Variants in HMCN1 observed in about 807,000 individuals in gnomAD.
HMCN1 encodes hemicentin-1.
Under a neutral mutation model 625.9 loss-of-function variants are expected in HMCN1, and 321 were observed. That is an observed-to-expected ratio of 0.51 (90% confidence interval 0.47 to 0.56). The LOEUF (loss-of-function observed/expected upper bound fraction) is 0.56, where lower values mean the gene tolerates loss of function less well. Among genes scored for constraint, HMCN1 ranks in the 20% least tolerant of loss-of-function variants. The pLI is 0.00. For synonymous variants in HMCN1, 2,425 were observed against 2,417.6 expected, an observed-to-expected ratio of 1.00 and a Z score of -0.09; for missense variants, 6,588 against 6,887.3, an observed-to-expected ratio of 0.96 and a Z score of 1.54.
chr1:185,945,704 G>C (rs1015843741), intron 11 of HMCN1, among the ~76,000 whole-genome samples: 3 of 152,158 alleles, frequency 2.0e-5, no homozygotes, highest in Admixed American at 2.0e-4. Context: ...CTAGGAAGAA[G>C]TCAGGACAGT....
intron 45 of HMCN1, among the ~76,000 whole-genome samples, chr1:186,055,946 T>A (rs1657293084): frequency 6.6e-6 from 1 of 152,016 alleles, no homozygotes; most frequent in African/African-American, 2.4e-5. Context: ...TTTGGTCCAA[T>A]GCTATCCCAA....
intron 82 of HMCN1, among the ~76,000 whole-genome samples, chr1:186,126,091 T>G (rs745368672): frequency 6.6e-6 from 1 of 152,118 alleles, no homozygotes; most frequent in African/African-American, 2.4e-5. Flanking sequence ...TAACCTTATT[T>G]GGCAATGATA....
At chr1:186,083,457 C>T (rs991132510) in intron 57 of HMCN1, among the ~76,000 whole-genome samples, 2 of 134,468 alleles carry the variant, frequency 1.5e-5, no homozygotes, top group Non-Finnish European at 3.0e-5. Flanking sequence ...TCATCAAACT[C>T]TTTTAAATAC....
At chr1:185,781,828 A>G (rs1384414913) in intron 1 of HMCN1, among the ~76,000 whole-genome samples, 4 of 152,188 alleles carry the variant, frequency 2.6e-5, no homozygotes, top group Non-Finnish European at 5.9e-5. Context: ...TGTTCTGTTG[A>G]TTTGGGGTGG....
intron 9 of HMCN1, 67 bp from the exon 10 acceptor site, chr1:185,928,475 ATAGT>A (rs1478587843): frequency 1.0e-5 from 13 of 1,266,838 alleles, no homozygotes; most frequent in Admixed American, 1.7e-5. Flanking sequence ...TTCAAAAGAA[ATAGT>A]TAATCATTGC....
intron 17 of HMCN1, among the ~76,000 whole-genome samples, chr1:185,981,368 TC>T (rs1651624273): frequency 6.6e-6 from 1 of 152,074 alleles, no homozygotes; most frequent in Admixed American, 6.6e-5. Flanking sequence ...TGTGGTCTTT[TC>T]TGATTCCTTT....
rs1002113839 is a variant in HMCN1 at position 185,963,722 on chromosome 1, AT to A, written c.1971-44del. 3 of 1,353,996 alleles carry A rather than the reference AT, an allele frequency of 2.2e-6. No homozygotes were observed. In the African/African-American group the frequency reaches 4.3e-5, roughly 19 times the overall value. 83.9% of individuals were successfully genotyped at this position (1,353,996 alleles called of 1,614,324 possible). ...AGCACTATATTATCTTGATATTACTATTGTGGCATTTTCAATTTTATATTCT... is the reference window on the plus strand; with the variant it reads ...AGCACTATATTATCTTGATATTACTATGTGGCATTTTCAATTTTATATTCT... On this transcript the variant is annotated intron_variant, in intron 12 of 106. Transcript: ENST00000271588.
chr1:185,884,776 G>A (rs369596916), intron 4 of HMCN1, among the ~76,000 whole-genome samples: 13 of 152,078 alleles, frequency 8.5e-5, no homozygotes, highest in Admixed American at 2.6e-4. Context: ...GACTGAAGGC[G>A]AAAAGTGCAA....
chr1:185,896,718 C>T (rs992228806), intron 4 of HMCN1, among the ~76,000 whole-genome samples: 1 of 152,144 alleles, frequency 6.6e-6, no homozygotes, highest in South Asian at 2.1e-4. Context: ...TTCTCCTAAT[C>T]GTTCTAATAT....
chr1:185,925,304 G>A lies in HMCN1; in HGVS notation c.1430+113G>A, dbSNP rs1336825232. On this transcript the variant is annotated intron_variant, in intron 9 of 106. Transcript: ENST00000271588. ...AAATTCTCACTTGCTACATAGTCTG[G>A]AATATAGCAGTGAACAAAATGGACA... 3 of 1,021,602 alleles carry A rather than the reference G, an allele frequency of 2.9e-6. No homozygotes were observed. In the African/African-American group the frequency reaches 4.8e-5, roughly 16 times the overall value. 63.3% of individuals were successfully genotyped at this position (1,021,602 alleles called of 1,614,324 possible).
chr1:186,189,983 G>C lies in HMCN1; in HGVS notation c.*105G>C. 7.7e-7 allele frequency: 1 copy of C among 1,302,568 alleles called. No individual in the cohort carries two copies. The highest frequency in any genetic ancestry group is 2.3e-5 in the East Asian group (1 of 43,340). 80.7% of individuals were successfully genotyped at this position (1,302,568 alleles called of 1,614,324 possible). The stretch of plus-strand genomic sequence containing the variant: ...TGAACAGTTGCAATCTTGGCAGCTT[G>C]AAAATGGTGCTACACTCTGTTTTGT... On this transcript the variant is annotated 3_prime_UTR_variant, in exon 107 of 107. Transcript: ENST00000271588.
rs1414148791 is a variant in HMCN1, at chr1:185,963,768, G to T, written c.1971G>T (p.Arg657Ser). 1 of 1,594,822 alleles carries T rather than the reference G, an allele frequency of 6.3e-7. No homozygotes were observed. Residue 657 changes from arginine (R) to serine (S), a missense_variant and splice_region_variant, in exon 13 of 107, where the codon AGG becomes AGT. This residue lies in a region of HMCN1 where 4,628 missense variants were observed against 4,853.1 expected (regional missense o/e 0.95). Transcript: ENST00000271588. ...TATTCTTTTTGTTTTTTATTCATAG[G>T]TATAGGATGACCTCAGATGGTACCT... ...VNDMFIVGSH[R>S]YRMTSDGTLF... is the part of the protein sequence containing the mutation.
intron 103 of HMCN1, among the ~76,000 whole-genome samples, chr1:186,175,876 C>CAAAAA (rs758445916): frequency 1.4e-3 from 103 of 76,046 alleles, no homozygotes; most frequent in South Asian, 6.4e-3. Context: ...AACTATGTCT[C>CAAAAA]AAAAAAAAAA....
chr1:186,145,430 G>T lies in HMCN1; in HGVS notation c.14294G>T (p.Gly4765Val). 6.3e-7 allele frequency: 1 copy of T among 1,596,478 alleles called. No individual in the cohort carries two copies. ...CATGGTAACTGGAGTCCTTGGAGTG[G>T]CTGGGGAACATGCAGCCGGACGTGT... ...PTHGNWSPWS[G>V]WGTCSRTCNG... Residue 4765 changes from glycine to valine, a missense_variant, in exon 92 of 107, where the codon GGC becomes GTC. Gly to Val is a moderately radical substitution (Grantham distance 109, BLOSUM62 -3). Transcript: ENST00000271588.
chr1:185,771,783 T>G lies in HMCN1; in HGVS notation c.268+36736T>G, dbSNP rs541830283. On this transcript the variant is annotated intron_variant, in intron 1 of 106. Transcript: ENST00000271588. ...ATGTTCCAAGCATGGTGGCAGAATCTGTTGATACAGATAGAGGTAATTCAT... is the reference window on the plus strand; with the variant it reads ...ATGTTCCAAGCATGGTGGCAGAATCGGTTGATACAGATAGAGGTAATTCAT... Among the ~76,000 whole-genome samples, 3 of 152,314 alleles carry G rather than the reference T, an allele frequency of 2.0e-5. No individual in the cohort carries two copies. The East Asian group carries it at 5.8e-4, about 29-fold the overall frequency.
chr1:186,071,179 TC>T (rs912493182), intron 52 of HMCN1, among the ~76,000 whole-genome samples: 1 of 152,190 alleles, frequency 6.6e-6, no homozygotes, highest in African/African-American at 2.4e-5. Flanking sequence ...AATGTTGCTA[TC>T]CCGGGTTAGA....
At chr1:186,124,467 G>T (rs1454511214) in intron 81 of HMCN1, among the ~76,000 whole-genome samples, 1 of 151,878 alleles carries the variant, frequency 6.6e-6, no homozygotes, top group Non-Finnish European at 1.5e-5. Flanking sequence ...CGTAACAAAA[G>T]ACAAATAGCA....
intron 42 of HMCN1, among the ~76,000 whole-genome samples, chr1:186,051,689 G>A (rs555510232): frequency 9.9e-5 from 15 of 152,044 alleles, no homozygotes; most frequent in Non-Finnish European, 1.9e-4. Context: ...TGACAAATAA[G>A]AAGGCAAAAG....
chr1:185,986,068 T>C (rs1006379644), intron 19 of HMCN1, among the ~76,000 whole-genome samples: 4 of 152,196 alleles, frequency 2.6e-5, no homozygotes, highest in African/African-American at 9.7e-5. Flanking sequence ...ATTGACAGCA[T>C]AGTTGAAAGA....
Sources: allele counts gnomAD v4.1 joint callset (sites outside exome capture counted in the v4.1 genomes callset), GRCh38; gene constraint gnomAD v4.1.1; regional missense constraint gnomAD v4.1.1; transcripts MANE v1.5; gene names NCBI Gene and HGNC (gene_info 2026-07-23, HGNC 2026-07-21).